ROBO2: variants seen among roughly 807,000 people sequenced by gnomAD.
The protein encoded by ROBO2 is roundabout guidance receptor 2, also known as roundabout homolog 2.
A neutral mutation model predicts 160.8 loss-of-function variants in ROBO2; 53 were observed. The observed-to-expected ratio is 0.33, with a 90% CI of 0.26 to 0.41. The LOEUF (loss-of-function observed/expected upper bound fraction) is 0.41. Ranked by LOEUF, ROBO2 falls within the 10% of genes least tolerant of loss-of-function variation. The pLI, the probability that ROBO2 is intolerant of heterozygous loss-of-function variation, is 1.00. For synonymous variants in ROBO2, 664 were observed against 611.7 expected, an observed-to-expected ratio of 1.09 and a Z score of -1.26; for missense variants, 1,577 against 1,722.4, an observed-to-expected ratio of 0.92 and a Z score of 1.49.
chr3:75,982,434 T>A (rs2065305817), intron 2 of ROBO2, among the ~76,000 whole-genome samples: 2 of 151,576 alleles, frequency 1.3e-5, no homozygotes, highest in African/African-American at 4.8e-5. Context: ...TCTCAGCATT[T>A]GCTACTGCCT....
chr3:76,970,122 A>G (rs1189375818), intron 2 of ROBO2, among the ~76,000 whole-genome samples: 1 of 152,056 alleles, frequency 6.6e-6, no homozygotes, highest in Non-Finnish European at 1.5e-5. Context: ...AACCATTCTC[A>G]CAGACCCCTC....
chr3:77,401,033 A>T (rs1265161524), intron 2 of ROBO2, among the ~76,000 whole-genome samples: 3 of 151,948 alleles, frequency 2.0e-5, no homozygotes, highest in Non-Finnish European at 2.9e-5. Context: ...GCATTTCCGG[A>T]TTGTTTCCAC....
intron 2 of ROBO2, among the ~76,000 whole-genome samples, chr3:76,933,413 A>G (rs915165380): frequency 4.6e-5 from 7 of 152,220 alleles, no homozygotes; most frequent in African/African-American, 1.7e-4. Context: ...AAATTTTAAA[A>G]CTTCCTGACA....
intron 2 of ROBO2, among the ~76,000 whole-genome samples, chr3:76,236,327 T>C (rs1451416534): frequency 1.3e-5 from 2 of 152,134 alleles, no homozygotes; most frequent in Non-Finnish European, 2.9e-5. Flanking sequence ...ATTATGTCAA[T>C]GTTTATCTTG....
chr3:76,772,110 G>A (rs1467442549), intron 2 of ROBO2, among the ~76,000 whole-genome samples: 1 of 151,290 alleles, frequency 6.6e-6, no homozygotes, highest in Non-Finnish European at 1.5e-5. Context: ...TTGAGGGTTT[G>A]GGACAGCAAA....
chr3:76,162,998 T>G (rs2106933272), intron 2 of ROBO2, among the ~76,000 whole-genome samples: 1 of 152,238 alleles, frequency 6.6e-6, no homozygotes, highest in South Asian at 2.1e-4. Context: ...GGTGACAAAC[T>G]TTTGCCACAG....
chr3:77,533,640 C>T (rs2153636751), intron 6 of ROBO2, among the ~76,000 whole-genome samples: 1 of 152,292 alleles, frequency 6.6e-6, no homozygotes, highest in Non-Finnish European at 1.5e-5. Flanking sequence ...CCTTCATAGC[C>T]AGCGGGGGCA....
At chr3:77,136,206 A>G (rs2076264224) in intron 2 of ROBO2, among the ~76,000 whole-genome samples, 1 of 152,174 alleles carries the variant, frequency 6.6e-6, no homozygotes. Context: ...TTAACTAAGG[A>G]GGCAGTAAGA....
intron 2 of ROBO2, among the ~76,000 whole-genome samples, chr3:76,708,653 C>T (rs150149720): frequency 6.6e-6 from 1 of 152,214 alleles, no homozygotes; most frequent in East Asian, 1.9e-4. Context: ...TATGCCTTGC[C>T]CAGCAATTTG....
intron 2 of ROBO2, among the ~76,000 whole-genome samples, chr3:76,257,688 C>CATAGTGCACA (rs1213076655): frequency 1.3e-5 from 2 of 151,620 alleles, no homozygotes; most frequent in African/African-American, 4.8e-5. Flanking sequence ...TAGTGTATTT[C>CATAGTGCACA]ATAGTGCACA....
At chr3:77,046,152 A>G (rs1315311882) in intron 1 of ROBO2, among the ~76,000 whole-genome samples, 6 of 152,230 alleles carry the variant, frequency 3.9e-5, no homozygotes, top group Admixed American at 6.5e-5. Context: ...TGTGTTTCAC[A>G]TTTTGAGGAA....
At chr3:77,211,539 A>G (rs1293227382) in intron 2 of ROBO2, among the ~76,000 whole-genome samples, 1 of 151,934 alleles carries the variant, frequency 6.6e-6, no homozygotes, top group Middle Eastern at 3.4e-3. Flanking sequence ...GTTCACTCTG[A>G]TGGTAGTTCC....
intron 2 of ROBO2, among the ~76,000 whole-genome samples, chr3:76,987,094 C>A (rs1578068616): frequency 6.6e-6 from 1 of 152,314 alleles, no homozygotes; most frequent in South Asian, 2.1e-4. Context: ...AGGCGCTAAT[C>A]TCTGTCGTGA....
In ROBO2 at chr3:77,365,794, C is replaced by T. The variant is rs114347497; in HGVS notation, c.389-111620C>T. Among the ~76,000 whole-genome samples the T allele has an allele frequency of 2.2e-3, 328 of 152,070 alleles. 2 individuals carry two copies. Among genetic ancestry groups the T allele is most frequent in the African/African-American group, 7.4e-3 (306 of 41,492 alleles). On this transcript the variant is annotated intron_variant, in intron 2 of 25. Transcript: ENST00000461745. ...GCCCAGAGTAAACTAACATGCATGA[C>T]GTGATTTATTCTAACCAACCCGATG...
At chr3:77,495,539 C>A (rs1254740227) in intron 5 of ROBO2, among the ~76,000 whole-genome samples, 2 of 152,164 alleles carry the variant, frequency 1.3e-5, no homozygotes, top group Non-Finnish European at 2.9e-5. Flanking sequence ...GTTCTCATAT[C>A]TCTCCAGTCT....
intron 2 of ROBO2, among the ~76,000 whole-genome samples, chr3:76,266,228 C>T (rs1378451911): frequency 6.6e-6 from 1 of 152,028 alleles, no homozygotes; most frequent in Non-Finnish European, 1.5e-5. Context: ...GGTGCATGAT[C>T]CTTTTAATGT....
intron 2 of ROBO2, among the ~76,000 whole-genome samples, chr3:77,221,972 C>A (rs962219103): frequency 2.0e-5 from 3 of 151,344 alleles, no homozygotes; most frequent in Admixed American, 6.6e-5. Context: ...CTTACCTCAG[C>A]CTCCAGAGTA....
intron 2 of ROBO2, among the ~76,000 whole-genome samples, chr3:76,589,980 A>AT (rs2086310496): frequency 6.6e-6 from 1 of 152,216 alleles, no homozygotes; most frequent in South Asian, 2.1e-4. Context: ...GAGAGTAACA[A>AT]TTAAATGTAT....
intron 2 of ROBO2, among the ~76,000 whole-genome samples, chr3:76,774,309 T>G (rs771295753): frequency 6.6e-6 from 1 of 150,860 alleles, no homozygotes; most frequent in Non-Finnish European, 1.5e-5. Flanking sequence ...AACAACAAAT[T>G]TATTGTATTT....
Sources: allele counts gnomAD v4.1 joint callset (sites outside exome capture counted in the v4.1 genomes callset), GRCh38; gene constraint gnomAD v4.1.1; transcripts MANE v1.5; gene names NCBI Gene and HGNC (gene_info 2026-07-23, HGNC 2026-07-21).